Variants in GABBR2 observed in about 807,000 individuals in gnomAD.
The protein encoded by GABBR2 is gamma-aminobutyric acid type B receptor subunit 2, also known as G-protein coupled receptor 51.
A neutral mutation model predicts 105.6 loss-of-function variants in GABBR2; 23 were observed. The observed-to-expected ratio is 0.22, with a 90% CI of 0.16 to 0.31. The LOEUF is 0.31. GABBR2 is among the 10% of genes least tolerant of loss of function. GABBR2 has a pLI of 1.00. For missense variants in GABBR2, 734 were observed against 1,245.5 expected (o/e 0.59, Z 6.18); for synonymous variants, 478 against 499.7 (o/e 0.96, Z 0.58).
At chr9:98,445,613 C>T (rs1826113475) in intron 7 of GABBR2, among the ~76,000 whole-genome samples, 1 of 152,232 alleles carries the variant, frequency 6.6e-6, no homozygotes, top group Non-Finnish European at 1.5e-5. Flanking sequence ...GAAGGTGAGC[C>T]TCAGCCTGTT....
In GABBR2 at chr9:98,422,504, G is replaced by T. The variant is rs915151273; in HGVS notation, c.1237-16363C>A. Among the ~76,000 whole-genome samples the T allele has an allele frequency of 2.7e-5, 4 of 149,956 alleles. No homozygotes were observed. In the East Asian group the frequency reaches 8.1e-4, roughly 30 times the overall value. On this transcript the variant is annotated intron_variant, in intron 7 of 18. Transcript: ENST00000259455. Reference sequence around the variant, plus strand: ...AAGGCTGCTTAATGCACCTGTGTGTGTGTGTGTGTGTGTGTGTCTGTGTGT... The same window carrying T: ...AAGGCTGCTTAATGCACCTGTGTGTTTGTGTGTGTGTGTGTGTCTGTGTGT...
chr9:98,467,525 G>A (rs564375932), intron 6 of GABBR2, among the ~76,000 whole-genome samples: 4 of 152,276 alleles, frequency 2.6e-5, no homozygotes, highest in South Asian at 2.1e-4. Flanking sequence ...CTATTTTTCC[G>A]CAGCACCTTT....
intron 1 of GABBR2, among the ~76,000 whole-genome samples, chr9:98,632,710 G>A (rs1829829511): frequency 6.6e-6 from 1 of 152,188 alleles, no homozygotes; most frequent in South Asian, 2.1e-4. Flanking sequence ...AGCCCATCAG[G>A]GTTTCCAACT....
chr9:98,534,518 G>C (rs2104906), intron 3 of GABBR2, among the ~76,000 whole-genome samples: 45,519 of 152,076 alleles, frequency 0.3, 7,499 homozygotes, highest in East Asian at 0.6. Context: ...TTTCTTAGTA[G>C]TTTAAGTATC....
intron 1 of GABBR2, among the ~76,000 whole-genome samples, chr9:98,666,155 T>C (rs2131857200): frequency 6.6e-6 from 1 of 152,328 alleles, no homozygotes; most frequent in African/African-American, 2.4e-5. Flanking sequence ...AGCAATGGAA[T>C]GGCCTTCTGA....
intron 1 of GABBR2, among the ~76,000 whole-genome samples, chr9:98,668,518 T>C (rs1830366203): frequency 6.6e-6 from 1 of 152,204 alleles, no homozygotes; most frequent in African/African-American, 2.4e-5. Flanking sequence ...AAAATACACA[T>C]AACATAAAAT....
Position 98,361,000 on chromosome 9 carries a change from C to T in GABBR2, c.1893+1715G>A, listed in dbSNP as rs193153722. On this transcript the variant is annotated intron_variant, in intron 13 of 18. Transcript: ENST00000259455. ...CTTCCACAAACTCTGCCTGACTCAC[C>T]CTGCTCTTATTTCTTGATCTCCTGG... Among the ~76,000 whole-genome samples the T allele has an allele frequency of 2.7e-4, 41 of 152,308 alleles. No individual in the cohort carries two copies. The East Asian group carries it at 7.7e-3, about 29-fold the overall frequency.
chr9:98,708,418 T>C lies in GABBR2; in HGVS notation c.320A>G (p.Glu107Gly). ...YFLDLRLYDT[E>G]CDNAKGLKAF... ...CGGCAGGGGCAGCCGGACACTCACC[T>C]CCGTGTCATAGAGCCGCAGGTCGAG... The change falls in exon 1 of 19, where the codon GAG becomes GGG. Residue 107 changes from glutamate to glycine, a missense_variant and splice_region_variant. Glu to Gly is a moderately conservative substitution (Grantham distance 98). This residue lies in a region of GABBR2 where 370 missense variants were observed against 648.9 expected (regional missense o/e 0.57). Coordinates refer to ENST00000259455, the MANE Select transcript of GABBR2 (RefSeq NM_005458.8). The C allele has an allele frequency of 1.3e-6, 2 of 1,483,968 alleles. No individual in the cohort carries two copies. Among genetic ancestry groups the C allele is most frequent in the East Asian group, 2.6e-5 (1 of 39,028 alleles). The allele number at this position is 1,483,968 out of a possible 1,614,324, so 91.9% of individuals were successfully genotyped here. A position where few individuals can be genotyped will look rare whatever the true frequency, so the allele number is the denominator to read the frequency against.
intron 3 of GABBR2, among the ~76,000 whole-genome samples, chr9:98,541,127 C>T (rs896156102): frequency 6.6e-6 from 1 of 152,178 alleles, no homozygotes; most frequent in African/African-American, 2.4e-5. Context: ...TCTGACAGAA[C>T]ACCAGGTCCC....
At chr9:98,290,783 G>A in intron 18 of GABBR2, 34 bp from the exon 19 acceptor site, 1 of 1,423,684 alleles carries the variant, frequency 7.0e-7, no homozygotes, top group Non-Finnish European at 9.2e-7. Flanking sequence ...TGTTAGTGAA[G>A]GGTAGCTGGG....
At chr9:98,575,875 A>G (rs955029086) in intron 2 of GABBR2, among the ~76,000 whole-genome samples, 5 of 152,166 alleles carry the variant, frequency 3.3e-5, no homozygotes, top group Non-Finnish European at 7.4e-5. Flanking sequence ...GCACTCCCCA[A>G]GCCCACATAC....
intron 1 of GABBR2, among the ~76,000 whole-genome samples, chr9:98,611,102 G>A (rs187567972): frequency 5.3e-5 from 8 of 152,292 alleles, no homozygotes; most frequent in Admixed American, 4.6e-4. Context: ...CCTCCCCGCT[G>A]CCTACAGAAC....
At chr9:98,521,713 G>A (rs1402559618) in intron 3 of GABBR2, among the ~76,000 whole-genome samples, 2 of 152,126 alleles carry the variant, frequency 1.3e-5, no homozygotes, top group Admixed American at 6.6e-5. Flanking sequence ...CATATAAAAT[G>A]TTATCATCCA....
In GABBR2 at chr9:98,454,344, G is replaced by A. The variant is rs1826288415; in HGVS notation, c.1000-127C>T. On this transcript the variant is annotated intron_variant, in intron 6 of 18. Coordinates refer to ENST00000259455, the MANE Select transcript of GABBR2 (RefSeq NM_005458.8). This position sits in a 1 kb window ranked among gnomAD's most constrained non-coding sequence, Gnocchi z 4.6. ...CCAGGTACAGTGCTAGATTCTACGTGCATTATCTCATTTAACCCTCACAAC... is the reference window on the plus strand; with the variant it reads ...CCAGGTACAGTGCTAGATTCTACGTACATTATCTCATTTAACCCTCACAAC... The A allele has an allele frequency of 7.1e-6, 5 of 703,594 alleles. No individual in the cohort carries two copies. The highest frequency in any genetic ancestry group is 1.3e-5 in the Non-Finnish European group (5 of 386,586). 43.6% of individuals were successfully genotyped at this position (703,594 alleles called of 1,614,324 possible). A position where few individuals can be genotyped will look rare whatever the true frequency, so the allele number is the denominator to read the frequency against.
chr9:98,427,600 G>C (rs1825721321), intron 7 of GABBR2, among the ~76,000 whole-genome samples: 1 of 152,198 alleles, frequency 6.6e-6, no homozygotes. Flanking sequence ...CATTGAATAG[G>C]GCTGGCCCGT....
At chr9:98,298,724 C>T (rs1175539601) in intron 17 of GABBR2, among the ~76,000 whole-genome samples, 2 of 152,112 alleles carry the variant, frequency 1.3e-5, no homozygotes, top group African/African-American at 4.8e-5. Flanking sequence ...TCCCAAAATG[C>T]TGGGATTACA....
intron 1 of GABBR2, among the ~76,000 whole-genome samples, chr9:98,623,872 G>C (rs1486232475): frequency 1.3e-5 from 2 of 152,164 alleles, no homozygotes; most frequent in Non-Finnish European, 2.9e-5. Flanking sequence ...ATGAGAACAT[G>C]GACATCTCTG....
chr9:98,454,647 C>T lies in GABBR2; in HGVS notation c.1000-430G>A, dbSNP rs769355524. Among the ~76,000 whole-genome samples, 1 of 152,172 alleles carries T rather than the reference C, an allele frequency of 6.6e-6. No homozygotes were observed. The highest frequency in any genetic ancestry group is 2.1e-4 in the South Asian group (1 of 4,822). On this transcript the variant is annotated intron_variant, in intron 6 of 18. Coordinates refer to ENST00000259455, the MANE Select transcript of GABBR2 (RefSeq NM_005458.8). This position sits in a 1 kb window ranked among gnomAD's most constrained non-coding sequence, Gnocchi z 4.6. Reference sequence around the variant, plus strand: ...TCAAAAATATTCTCTATCTCCTCATCGTAATAAATACACCTTCCTAGGGAT... The same window carrying T: ...TCAAAAATATTCTCTATCTCCTCATTGTAATAAATACACCTTCCTAGGGAT...
intron 3 of GABBR2, among the ~76,000 whole-genome samples, chr9:98,517,944 G>A (rs1038665171): frequency 4.0e-5 from 6 of 151,688 alleles, no homozygotes; most frequent in Non-Finnish European, 7.4e-5. Context: ...ACCAGTGAGA[G>A]CCTAGCAGGA....
Sources: gnomAD v4.1 joint callset for allele counts (sites outside exome capture counted in the v4.1 genomes callset) on GRCh38, gnomAD v4.1.1 for gene constraint, gnomAD v4.1.1 regional missense constraint, Gnocchi (gnomAD v3.1) non-coding constraint, MANE v1.5 for transcripts, NCBI Gene and HGNC (gene_info 2026-07-23, HGNC 2026-07-21) for gene names.